Variants in SPOCK1 observed in about 807,000 individuals in gnomAD.
SPOCK1 encodes SPARC (osteonectin), cwcv and kazal like domains proteoglycan 1, also known as testican-1.
SPOCK1 carries 23 observed loss-of-function variants against 55.3 expected under a neutral mutation model. That is an observed-to-expected ratio of 0.42 (90% CI 0.30 to 0.59). The LOEUF (loss-of-function observed/expected upper bound fraction) is 0.59, where lower values mean the gene tolerates loss of function less well. Ranked by LOEUF, SPOCK1 falls within the 20% of genes least tolerant of loss-of-function variation. The pLI, the probability that SPOCK1 is intolerant of heterozygous loss-of-function variation, is 0.22. For synonymous variants in SPOCK1, 226 were observed against 221.0 expected, an observed-to-expected ratio of 1.02 and a Z score of -0.20; for missense variants, 499 against 552.5, an observed-to-expected ratio of 0.90 and a Z score of 0.97.
intron 3 of SPOCK1, among the ~76,000 whole-genome samples, chr5:137,165,406 A>C (rs140108312): frequency 6.6e-6 from 1 of 152,330 alleles, no homozygotes; most frequent in Non-Finnish European, 1.5e-5. Flanking sequence ...ACAACACCCA[A>C]GTCTTTGCAA....
chr5:137,397,929 C>A (rs1751891427), intron 2 of SPOCK1, among the ~76,000 whole-genome samples: 1 of 152,162 alleles, frequency 6.6e-6, no homozygotes, highest in African/African-American at 2.4e-5. Context: ...AAATATTTAT[C>A]AAGTGAATGT....
chr5:137,060,857 C>G (rs1175904236), intron 6 of SPOCK1, among the ~76,000 whole-genome samples: 2 of 152,212 alleles, frequency 1.3e-5, no homozygotes, highest in African/African-American at 4.8e-5. Context: ...TGCACTTTCC[C>G]AGAGTTGAAC....
chr5:137,357,478 G>A (rs941389513), intron 2 of SPOCK1, among the ~76,000 whole-genome samples: 6 of 152,162 alleles, frequency 3.9e-5, no homozygotes, highest in African/African-American at 1.2e-4. Context: ...AGGTCAGTGG[G>A]AATATAAAGG....
intron 2 of SPOCK1, among the ~76,000 whole-genome samples, chr5:137,328,748 G>A (rs1758120252): frequency 6.6e-6 from 1 of 152,192 alleles, no homozygotes; most frequent in Non-Finnish European, 1.5e-5. Flanking sequence ...TAGGAGACAT[G>A]CCAGGATCAC....
intron 2 of SPOCK1, among the ~76,000 whole-genome samples, chr5:137,407,543 C>G (rs1561527495): frequency 1.3e-5 from 2 of 151,962 alleles, no homozygotes; most frequent in Non-Finnish European, 2.9e-5. Context: ...TTAAATCCTG[C>G]CTGAGCCCAT....
intron 3 of SPOCK1, among the ~76,000 whole-genome samples, chr5:137,174,826 C>T (rs1257118097): frequency 6.6e-6 from 1 of 152,148 alleles, no homozygotes; most frequent in Non-Finnish European, 1.5e-5. Context: ...TAATGAATGA[C>T]TGAGACAGAA....
chr5:137,420,951 T>C (rs1216340975), intron 2 of SPOCK1, among the ~76,000 whole-genome samples: 4 of 152,254 alleles, frequency 2.6e-5, no homozygotes, highest in Non-Finnish European at 4.4e-5. Context: ...TAAATTTCCC[T>C]CTACATACTG....
At chr5:137,295,968 C>A (rs1757471239) in intron 2 of SPOCK1, among the ~76,000 whole-genome samples, 1 of 152,108 alleles carries the variant, frequency 6.6e-6, no homozygotes. Context: ...TGATACCTAA[C>A]CCCCAATGTG....
intron 3 of SPOCK1, among the ~76,000 whole-genome samples, chr5:137,160,109 C>T (rs370772908): frequency 9.9e-5 from 15 of 151,732 alleles, no homozygotes; most frequent in South Asian, 2.1e-4. Context: ...TTATCCCTCA[C>T]GCCCTTCCCA....
intron 7 of SPOCK1, among the ~76,000 whole-genome samples, chr5:136,992,259 A>T (rs369386829): frequency 1.3e-5 from 2 of 152,194 alleles, no homozygotes; most frequent in African/African-American, 4.8e-5. Flanking sequence ...ACCTTAAAGT[A>T]TGTACCACAG....
At chr5:137,168,963 A>G (rs914352167) in intron 3 of SPOCK1, among the ~76,000 whole-genome samples, 1 of 152,202 alleles carries the variant, frequency 6.6e-6, no homozygotes, top group African/African-American at 2.4e-5. Context: ...CTATCGACAG[A>G]TGAATGAACA....
chr5:137,154,449 A>T (rs1754376519), intron 3 of SPOCK1, among the ~76,000 whole-genome samples: 1 of 152,178 alleles, frequency 6.6e-6, no homozygotes, highest in Admixed American at 6.5e-5. Context: ...CAGGAGAGGG[A>T]TTGCAAGGGC....
chr5:137,491,520 A>C (rs765862983), intron 2 of SPOCK1, among the ~76,000 whole-genome samples: 11 of 152,092 alleles, frequency 7.2e-5, no homozygotes, highest in Non-Finnish European at 1.5e-4. Context: ...TCCAACATTC[A>C]ATGAGCAGCT....
At chr5:137,455,715 C>T (rs1000753635) in intron 2 of SPOCK1, among the ~76,000 whole-genome samples, 2 of 152,092 alleles carry the variant, frequency 1.3e-5, no homozygotes, top group African/African-American at 4.8e-5. Context: ...TGTCAGCCAC[C>T]AGCTTTCTTC....
intron 2 of SPOCK1, among the ~76,000 whole-genome samples, chr5:137,452,683 C>T (rs1753279526): frequency 1.3e-5 from 2 of 152,164 alleles, no homozygotes; most frequent in African/African-American, 4.8e-5. Flanking sequence ...GTTATGACTA[C>T]AATGGTACTT....
intron 2 of SPOCK1, among the ~76,000 whole-genome samples, chr5:137,323,301 C>T (rs960629207): frequency 2.6e-5 from 4 of 151,988 alleles, no homozygotes; most frequent in African/African-American, 7.3e-5. Context: ...TTAGGACACA[C>T]ACAGGATGGA....
At chr5:137,418,419 C>T (rs1752398332) in intron 2 of SPOCK1, among the ~76,000 whole-genome samples, 1 of 152,082 alleles carries the variant, frequency 6.6e-6, no homozygotes, top group South Asian at 2.1e-4. Flanking sequence ...ACAGTCCCAC[C>T]AACAGTGTAA....
chr5:137,017,400 AT>A (rs1386211550), intron 6 of SPOCK1, among the ~76,000 whole-genome samples: 1 of 152,262 alleles, frequency 6.6e-6, no homozygotes, highest in African/African-American at 2.4e-5. Context: ...TTAAAAAGTC[AT>A]AAAAGAAAAC....
chr5:137,299,439 C>A (rs1027671056), intron 2 of SPOCK1, among the ~76,000 whole-genome samples: 1 of 151,620 alleles, frequency 6.6e-6, no homozygotes, highest in African/African-American at 2.4e-5. Context: ...CATATATAGT[C>A]CTGTATACAT....
Sources: gnomAD v4.1 joint callset for allele counts (sites outside exome capture counted in the v4.1 genomes callset) on GRCh38, gnomAD v4.1.1 for gene constraint, MANE v1.5 for transcripts, NCBI Gene and HGNC (gene_info 2026-07-23, HGNC 2026-07-21) for gene names.